Variants in MNAT1 observed in about 807,000 individuals in gnomAD.
MNAT1 encodes the protein MNAT1 component of CDK activating kinase, also known as CDK-activating kinase assembly factor MAT1.
A neutral mutation model predicts 42.0 loss-of-function variants in MNAT1; 43 were observed. The observed-to-expected ratio is 1.02, with a 90% CI of 0.80 to 1.32. MNAT1 has a LOEUF of 1.32. MNAT1 is among the 40% of genes most tolerant of loss of function. MNAT1 has a pLI of 0.00. For synonymous variants in MNAT1, 118 were observed against 120.0 expected, an observed-to-expected ratio of 0.98 and a Z score of 0.11; for missense variants, 306 against 350.4, an observed-to-expected ratio of 0.87 and a Z score of 1.01.
intron 6 of MNAT1, among the ~76,000 whole-genome samples, chr14:60,846,925 G>A (rs188843971): frequency 8.5e-5 from 13 of 152,268 alleles, no homozygotes; most frequent in Non-Finnish European, 1.5e-5. Context: ...ATCAATTATT[G>A]AGTGGAGTTT....
At chr14:60,768,157 T>C (rs976019791) in intron 1 of MNAT1, among the ~76,000 whole-genome samples, 10 of 152,282 alleles carry the variant, frequency 6.6e-5, no homozygotes, top group African/African-American at 2.4e-4. Context: ...TGCTTCGACC[T>C]CCCAAAGTGC....
intron 6 of MNAT1, among the ~76,000 whole-genome samples, chr14:60,869,303 A>C (rs2034278361): frequency 6.6e-6 from 1 of 151,798 alleles, no homozygotes; most frequent in Non-Finnish European, 1.5e-5. Flanking sequence ...GGCCTCCCAA[A>C]GTGCTAGGAT....
At chr14:60,899,845 A>G (rs1455571263) in intron 7 of MNAT1, among the ~76,000 whole-genome samples, 1 of 151,976 alleles carries the variant, frequency 6.6e-6, no homozygotes, top group African/African-American at 2.4e-5. Context: ...GCATGTACTC[A>G]CCTCATGTCT....
chr14:60,818,062 A>T (rs1444909212), intron 5 of MNAT1, among the ~76,000 whole-genome samples: 3 of 152,028 alleles, frequency 2.0e-5, no homozygotes, highest in Admixed American at 2.0e-4. Flanking sequence ...TAAAGATGTA[A>T]GAGGACTTCT....
At position 60,808,312 on chromosome 14, in the gene MNAT1, C is replaced by T; in HGVS notation, c.317-13C>T. 6.7e-7 allele frequency: 1 copy of T among 1,501,338 alleles called. No individual in the cohort carries two copies. Among genetic ancestry groups the T allele is most frequent in the South Asian group, 1.3e-5 (1 of 78,560 alleles). The allele number at this position is 1,501,338 out of a possible 1,614,324, so 93.0% of individuals were successfully genotyped here. ...AAAATATTTTTCATGTCATCGTTTC[C>T]TTTCTAATGCAGTTTTCAACTTGAC... On this transcript the variant is annotated splice_polypyrimidine_tract_variant and intron_variant, in intron 3 of 7. Transcript: ENST00000261245.
chr14:60,830,305 A>G (rs748026017), intron 6 of MNAT1, among the ~76,000 whole-genome samples: 6 of 152,198 alleles, frequency 3.9e-5, no homozygotes, highest in Non-Finnish European at 7.4e-5. Flanking sequence ...ATTTCAAAAC[A>G]CACATTCATT....
At chr14:60,743,196 T>G (rs574303965) in intron 1 of MNAT1, among the ~76,000 whole-genome samples, 2 of 152,334 alleles carry the variant, frequency 1.3e-5, no homozygotes, top group East Asian at 3.9e-4. Flanking sequence ...GTCTCTTATT[T>G]TCACCTATTT....
chr14:60,770,245 T>G (rs2140306463), intron 1 of MNAT1, among the ~76,000 whole-genome samples: 1 of 152,338 alleles, frequency 6.6e-6, no homozygotes, highest in Middle Eastern at 3.4e-3. Flanking sequence ...TCATCCATGT[T>G]TTAGCATGTG....
At chr14:60,809,530 C>G (rs2032480169) in intron 4 of MNAT1, among the ~76,000 whole-genome samples, 1 of 152,108 alleles carries the variant, frequency 6.6e-6, no homozygotes, top group South Asian at 2.1e-4. Context: ...TTCATTAACC[C>G]CAGGTGTTGG....
chr14:60,735,679 C>T (rs1243705251), intron 1 of MNAT1, among the ~76,000 whole-genome samples: 1 of 152,134 alleles, frequency 6.6e-6, no homozygotes, highest in African/African-American at 2.4e-5. Context: ...AGAATTGGAA[C>T]CCAGGAAGTC....
At chr14:60,914,125 T>A (rs7493682) in intron 7 of MNAT1, among the ~76,000 whole-genome samples, 143,257 of 152,122 alleles carry the variant, frequency 0.94, 67,774 homozygotes, top group Non-Finnish European at 0.99. Flanking sequence ...CCTCCGAGCC[T>A]GGTGCAGGAT....
At chr14:60,888,768 A>G (rs1481263545) in intron 7 of MNAT1, among the ~76,000 whole-genome samples, 6 of 123,966 alleles carry the variant, frequency 4.8e-5, no homozygotes, top group African/African-American at 1.2e-4. Context: ...TACAAAATCA[A>G]GGTACAAAAA....
At chr14:60,962,516 A>G (rs1467891320) in intron 7 of MNAT1, among the ~76,000 whole-genome samples, 3 of 152,180 alleles carry the variant, frequency 2.0e-5, no homozygotes, top group African/African-American at 4.8e-5. Flanking sequence ...TGTGTGTTCT[A>G]TAGTTCACAC....
Position 60,826,307 on chromosome 14 carries a change from A to ATT in MNAT1, c.687+7486_687+7487dup, listed in dbSNP as rs60838198. On this transcript the variant is annotated intron_variant, in intron 6 of 7. Transcript: ENST00000261245. ...ACTATTTTATGCATGAATAGGAGAA[A>ATT]TTTTTTTTTTTTTTTTTTTTTTTTT... Among the ~76,000 whole-genome samples, 113 of 119,764 alleles carry ATT rather than the reference A, an allele frequency of 9.4e-4. 2 individuals carry two copies. In the East Asian group the frequency reaches 0.013, roughly 14 times the overall value. The allele number at this position is 119,764 out of a possible 152,430, so 78.6% of individuals were successfully genotyped here.
rs185735884 is a variant in MNAT1 at position 60,815,403 on chromosome 14, G to C, written c.561+3276G>C. Among the ~76,000 whole-genome samples the C allele has an allele frequency of 1.6e-3, 242 of 152,238 alleles. 1 individual carries two copies. The highest frequency in any genetic ancestry group is 0.01 in the Middle Eastern group (3 of 294). On this transcript the variant is annotated intron_variant, in intron 5 of 7. Transcript: ENST00000261245. ...CTAATTTTTTTGTATTTTTGGTAGA[G>C]ATGGGGTTTCACCATCTTGGCCAGG...
intron 7 of MNAT1, among the ~76,000 whole-genome samples, chr14:60,950,300 A>T (rs2036356806): frequency 6.6e-6 from 1 of 152,202 alleles, no homozygotes; most frequent in South Asian, 2.1e-4. Flanking sequence ...TTAACACACT[A>T]AGAGTTCAGT....
chr14:60,942,101 T>A (rs1382323797), intron 7 of MNAT1, among the ~76,000 whole-genome samples: 1 of 145,114 alleles, frequency 6.9e-6, no homozygotes, highest in Non-Finnish European at 1.5e-5. Flanking sequence ...TTTTCCACAC[T>A]CCACTAAAAA....
chr14:60,960,334 G>A (rs2036565694), intron 7 of MNAT1, among the ~76,000 whole-genome samples: 1 of 152,158 alleles, frequency 6.6e-6, no homozygotes, highest in Non-Finnish European at 1.5e-5. Context: ...TCTTTTGTCA[G>A]ACCATTACAC....
At chr14:60,787,705 A>C (rs142276278) in intron 1 of MNAT1, among the ~76,000 whole-genome samples, 13 of 152,312 alleles carry the variant, frequency 8.5e-5, no homozygotes, top group African/African-American at 2.9e-4. Context: ...TCATTTCAAC[A>C]GTGTTCACAG....
Sources: allele counts gnomAD v4.1 joint callset (sites outside exome capture counted in the v4.1 genomes callset), GRCh38; gene constraint gnomAD v4.1.1; transcripts MANE v1.5; gene names NCBI Gene and HGNC (gene_info 2026-07-23, HGNC 2026-07-21).